EPS15: variants seen among roughly 807,000 people sequenced by gnomAD.
EPS15 encodes the protein epidermal growth factor receptor substrate 15.
A neutral mutation model predicts 113.8 loss-of-function variants in EPS15; 72 were observed. The ratio of observed to expected loss-of-function variants is 0.63; its 90% CI spans 0.52 to 0.77. The LOEUF (loss-of-function observed/expected upper bound fraction) is 0.77, where lower values mean the gene tolerates loss of function less well. Among genes scored for constraint, EPS15 ranks in the 30% least tolerant of loss-of-function variants. EPS15 has a pLI of 0.00. For synonymous variants in EPS15, 344 were observed against 363.4 expected, an observed-to-expected ratio of 0.95 and a Z score of 0.61; for missense variants, 1,048 against 1,045.8, an observed-to-expected ratio of 1.00 and a Z score of -0.03.
intron 1 of EPS15, among the ~76,000 whole-genome samples, chr1:51,498,478 T>C (rs1475447200): frequency 6.6e-6 from 1 of 152,198 alleles, no homozygotes; most frequent in Non-Finnish European, 1.5e-5. Context: ...ATGTTCAAAA[T>C]TTTATTATAA....
intron 12 of EPS15, among the ~76,000 whole-genome samples, chr1:51,434,625 G>C (rs1424488572): frequency 6.6e-6 from 1 of 152,162 alleles, no homozygotes; most frequent in Non-Finnish European, 1.5e-5. Context: ...AAGATGAAAA[G>C]TCTTGGAAAT....
chr1:51,408,504 T>C (rs1431617304), intron 14 of EPS15, among the ~76,000 whole-genome samples, 172 bp from the exon 15 acceptor site: 1 of 152,238 alleles, frequency 6.6e-6, no homozygotes, highest in Non-Finnish European at 1.5e-5. Flanking sequence ...TCTTGCTATG[T>C]TGCCCAGGCT....
At chr1:51,360,822 C>T (rs1646367501) in intron 24 of EPS15, among the ~76,000 whole-genome samples, 1 of 152,066 alleles carries the variant, frequency 6.6e-6, no homozygotes. Flanking sequence ...ATCTAGTGGG[C>T]AGAGAGCAAT....
At position 51,356,754 on chromosome 1, in the gene EPS15, T is replaced by C. The variant is rs777274756; in HGVS notation, c.2637A>G (p.Gln879=). Residue 879 remains glutamine, a synonymous_variant, in exon 25 of 25, where the codon CAA becomes CAG. Coordinates refer to ENST00000371733, the MANE Select transcript of EPS15 (RefSeq NM_001981.3). Reference sequence around the variant, plus strand: ...GTGCAATAGCCAGTTCTAAGTCTTCTTGTTCCTGCTGATTTAGTCGGGCAA... The same window carrying C: ...GTGCAATAGCCAGTTCTAAGTCTTCCTGTTCCTGCTGATTTAGTCGGGCAA... ...QRLARLNQQE[Q]EDLELAIALS... The C allele has an allele frequency of 2.5e-6, 4 of 1,614,076 alleles. No homozygotes were observed. Among genetic ancestry groups the C allele is most frequent in the South Asian group, 1.1e-5 (1 of 91,086 alleles).
chr1:51,400,518 G>A (rs1648409543), intron 19 of EPS15, among the ~76,000 whole-genome samples: 1 of 151,144 alleles, frequency 6.6e-6, no homozygotes, highest in South Asian at 2.1e-4. Flanking sequence ...AACACAGTGA[G>A]ACCCTGTCTC....
At chr1:51,363,125 C>T (rs947074677) in intron 23 of EPS15, among the ~76,000 whole-genome samples, 2 of 151,900 alleles carry the variant, frequency 1.3e-5, no homozygotes, top group African/African-American at 4.8e-5. Flanking sequence ...TGGTGAAACC[C>T]CATCTCTGCT....
At chr1:51,471,619 A>G in intron 4 of EPS15, 71 bp downstream of exon 4, 1 of 1,255,386 alleles carries the variant, frequency 8.0e-7, no homozygotes, top group Non-Finnish European at 1.2e-6. Context: ...TCAAAATACA[A>G]GAAAACCCTG....
At chr1:51,516,738 C>T (rs992686900) in intron 1 of EPS15, among the ~76,000 whole-genome samples, 4 of 151,968 alleles carry the variant, frequency 2.6e-5, no homozygotes, top group Non-Finnish European at 4.4e-5. Flanking sequence ...AAAATATTTG[C>T]TGAATGAAAA....
intron 1 of EPS15, among the ~76,000 whole-genome samples, chr1:51,486,636 T>C (rs1017577653): frequency 6.6e-6 from 1 of 152,102 alleles, no homozygotes; most frequent in Non-Finnish European, 1.5e-5. Context: ...AAAAGGACAC[T>C]GCCTGTGAAA....
At chr1:51,434,307 T>C (rs549147334) in intron 12 of EPS15, among the ~76,000 whole-genome samples, 2 of 152,292 alleles carry the variant, frequency 1.3e-5, no homozygotes, top group Admixed American at 6.5e-5. Context: ...TGTCCATCAA[T>C]AGATGAACAG....
chr1:51,371,236 C>T (rs1371178203), intron 21 of EPS15, among the ~76,000 whole-genome samples: 1 of 152,108 alleles, frequency 6.6e-6, no homozygotes, highest in Admixed American at 6.6e-5. Context: ...TAGTGTTCAC[C>T]TTCTACATAT....
chr1:51,398,212 C>G (rs1648160078), intron 20 of EPS15, among the ~76,000 whole-genome samples: 1 of 152,156 alleles, frequency 6.6e-6, no homozygotes, highest in South Asian at 2.1e-4. Flanking sequence ...CACCACCGCG[C>G]CTGGCTAATT....
At chr1:51,503,949 C>T (rs562057414) in intron 1 of EPS15, among the ~76,000 whole-genome samples, 1 of 152,202 alleles carries the variant, frequency 6.6e-6, no homozygotes, top group Non-Finnish European at 1.5e-5. Context: ...TAAAAATCAA[C>T]TTGAAATAGA....
intron 21 of EPS15, among the ~76,000 whole-genome samples, chr1:51,389,250 C>G (rs1647190120): frequency 6.6e-6 from 1 of 152,036 alleles, no homozygotes; most frequent in Admixed American, 6.6e-5. Context: ...CAGAAAAGGC[C>G]TTTGACAAAA....
intron 8 of EPS15, among the ~76,000 whole-genome samples, chr1:51,455,539 G>A (rs368712742): frequency 2.6e-5 from 4 of 151,288 alleles, no homozygotes; most frequent in East Asian, 1.9e-4. Context: ...GCGGTGAGCC[G>A]AAATCACACT....
chr1:51,377,312 T>C (rs1333439233), intron 21 of EPS15, among the ~76,000 whole-genome samples: 1 of 152,084 alleles, frequency 6.6e-6, no homozygotes, highest in Non-Finnish European at 1.5e-5. Context: ...GAGGTGAAAA[T>C]AGCAATAGTA....
At chr1:51,452,379 C>A (rs1653648405) in intron 8 of EPS15, among the ~76,000 whole-genome samples, 1 of 152,136 alleles carries the variant, frequency 6.6e-6, no homozygotes, top group Admixed American at 6.5e-5. Context: ...ACCTCCCAGG[C>A]TCAAGTGAGT....
At chr1:51,358,521 A>G (rs1646294772) in intron 24 of EPS15, among the ~76,000 whole-genome samples, 1 of 152,216 alleles carries the variant, frequency 6.6e-6, no homozygotes, top group South Asian at 2.1e-4. Flanking sequence ...AGGCTTTTGA[A>G]ATGGTAGTTT....
chr1:51,481,309 T>C lies in EPS15; in HGVS notation c.39A>G (p.Ser13=). The part of the protein sequence containing the change: ...AAAQLSLTQL[S]SGNPVYEKYY... The stretch of plus-strand genomic sequence containing the variant: ...ATTTTTCATATACAGGATTCCCACT[T>C]GATAACTGAAATAAACACATTAATA... The change falls in exon 2 of 25, where the codon TCA becomes TCG. Residue 13 remains serine, a synonymous_variant. Coordinates refer to ENST00000371733, the MANE Select transcript of EPS15 (RefSeq NM_001981.3). 7.7e-7 allele frequency: 1 copy of C among 1,303,754 alleles called. No homozygotes were observed. The highest frequency in any genetic ancestry group is 2.3e-5 in the East Asian group (1 of 42,968). 80.8% of individuals were successfully genotyped at this position (1,303,754 alleles called of 1,614,324 possible). A position where few individuals can be genotyped will look rare whatever the true frequency, so the allele number is the denominator to read the frequency against.
Sources: allele counts gnomAD v4.1 joint callset (sites outside exome capture counted in the v4.1 genomes callset), GRCh38; gene constraint gnomAD v4.1.1; transcripts MANE v1.5; gene names NCBI Gene and HGNC (gene_info 2026-07-23, HGNC 2026-07-21).